GSE1: variants seen among roughly 807,000 people sequenced by gnomAD.
GSE1 encodes genetic suppressor element 1.
A neutral mutation model predicts 112.6 loss-of-function variants in GSE1; 32 were observed. That is an observed-to-expected ratio of 0.28 (90% CI 0.21 to 0.38). The LOEUF (loss-of-function observed/expected upper bound fraction) is 0.38. GSE1 is among the 10% of genes least tolerant of loss of function. The probability of loss-of-function intolerance (pLI) is 1.00; values close to 1 mark genes in which losing one functional copy is unlikely to be tolerated. For synonymous variants in GSE1, 1,115 were observed against 735.6 expected (o/e 1.52, Z -8.35); for missense variants, 2,348 against 1,699.2 (o/e 1.38, Z -6.71).
At chr16:85,197,719 T>C (rs1376818271) in intron 1 of GSE1, among the ~76,000 whole-genome samples, 1 of 152,090 alleles carries the variant, frequency 6.6e-6, no homozygotes, top group Non-Finnish European at 1.5e-5. Flanking sequence ...TGTGTCACCT[T>C]AGAGCAAGCA....
At chr16:85,598,180 T>G (rs532263986) in intron 1 of GSE1, among the ~76,000 whole-genome samples, 276 of 147,200 alleles carry the variant, frequency 1.9e-3, no homozygotes, top group South Asian at 3.8e-3. Flanking sequence ...TTTTTTTTTT[T>G]TTTTTTTTTT....
intron 2 of GSE1, among the ~76,000 whole-genome samples, chr16:85,421,048 C>T (rs1234091954): frequency 1.3e-5 from 2 of 152,226 alleles, no homozygotes; most frequent in African/African-American, 4.8e-5. Context: ...ACAGAGCCTA[C>T]TGTTATTACC....
chr16:85,495,609 G>T lies in GSE1; in HGVS notation c.2464+137966G>T, dbSNP rs142174539. ...CCTCCAGGGTTCAAGCAATTCTTAC[G>T]CCTCTCAATAAGCTGGGATTACAGG... On this transcript the variant is annotated intron_variant, in intron 2 of 2. Transcript: ENST00000637419. Among the ~76,000 whole-genome samples the T allele has an allele frequency of 3.3e-5, 5 of 151,934 alleles. No individual in the cohort carries two copies. In the East Asian group the frequency reaches 9.7e-4, roughly 29 times the overall value.
intron 1 of GSE1, among the ~76,000 whole-genome samples, chr16:85,261,337 G>C (rs1331094156): frequency 1.3e-5 from 2 of 152,222 alleles, no homozygotes; most frequent in Non-Finnish European, 2.9e-5. Flanking sequence ...CTGCCTCGGT[G>C]CCTCAGTGTT....
intron 1 of GSE1, among the ~76,000 whole-genome samples, chr16:85,601,019 C>A (rs2151481075): frequency 6.6e-6 from 1 of 152,114 alleles, no homozygotes; most frequent in African/African-American, 2.4e-5. Flanking sequence ...GGGGTTAGAG[C>A]TGCCATCCAG....
chr16:85,424,775 C>T (rs2151746708), intron 2 of GSE1, among the ~76,000 whole-genome samples: 1 of 152,398 alleles, frequency 6.6e-6, no homozygotes, highest in Non-Finnish European at 1.5e-5. Context: ...ATGGCACCCC[C>T]CTCACCACCC....
chr16:85,654,735 C>A, intron 4 of GSE1, 59 bp from the exon 5 acceptor site: 2 of 1,032,182 alleles, frequency 1.9e-6, no homozygotes, highest in South Asian at 1.3e-5. Flanking sequence ...GCCGTCCCCC[C>A]ATGCAGGAGC....
chr16:85,549,672 G>A (rs985277457), intron 2 of GSE1, among the ~76,000 whole-genome samples: 3 of 152,190 alleles, frequency 2.0e-5, no homozygotes, highest in South Asian at 4.1e-4. Flanking sequence ...AGGTGTGACC[G>A]CACAGAGGTT....
intron 1 of GSE1, among the ~76,000 whole-genome samples, chr16:85,296,885 G>A (rs1407796345): frequency 6.6e-6 from 1 of 152,048 alleles, no homozygotes; most frequent in Admixed American, 6.5e-5. Flanking sequence ...AGTCTGTGAG[G>A]GCGGGGGTGG....
intron 2 of GSE1, among the ~76,000 whole-genome samples, chr16:85,488,430 G>A (rs1357728175): frequency 1.3e-5 from 2 of 152,086 alleles, no homozygotes; most frequent in Admixed American, 6.5e-5. Context: ...TACAGCCTAC[G>A]GGGCTCTCTG....
intron 1 of GSE1, among the ~76,000 whole-genome samples, chr16:85,623,952 G>C (rs960739479): frequency 6.6e-6 from 1 of 152,176 alleles, no homozygotes; most frequent in East Asian, 1.9e-4. Context: ...GCACTCACTC[G>C]GTACAGAAGG....
chr16:85,323,118 G>A (rs566131594), intron 1 of GSE1, among the ~76,000 whole-genome samples: 2 of 152,312 alleles, frequency 1.3e-5, no homozygotes, highest in East Asian at 1.9e-4. Context: ...TTTGTGGTTC[G>A]TGGTGGAGAC....
At chr16:85,469,884 G>A (rs1249244861) in intron 2 of GSE1, among the ~76,000 whole-genome samples, 1 of 152,250 alleles carries the variant, frequency 6.6e-6, no homozygotes. Context: ...GGTGGGAGGG[G>A]GAGCCAGGGC....
At chr16:85,577,581 C>T (rs927771208) in intron 1 of GSE1, among the ~76,000 whole-genome samples, 1 of 152,168 alleles carries the variant, frequency 6.6e-6, no homozygotes, top group African/African-American at 2.4e-5. Flanking sequence ...CTGCGATTAT[C>T]CCCCTTTCAC....
Position 85,448,088 on chromosome 16 carries a change from G to A in GSE1, c.2464+90445G>A, listed in dbSNP as rs138949512. On this transcript the variant is annotated intron_variant, in intron 2 of 2. Transcript: ENST00000637419. ...ATCAGCCCTCTGCCTCCTCCCAGTC[G>A]TGTACCCAGCTCTGGGCTCCTCCGC... is the stretch of plus-strand genomic sequence containing the variant. Among the ~76,000 whole-genome samples the A allele has an allele frequency of 9.0e-3, 1,377 of 152,326 alleles. 17 individuals carry two copies. Among genetic ancestry groups the A allele is most frequent in the African/African-American group, 0.031 (1,286 of 41,570 alleles).
At chr16:85,304,533 T>TC (rs1320063884) in intron 1 of GSE1, among the ~76,000 whole-genome samples, 1 of 136,606 alleles carries the variant, frequency 7.3e-6, no homozygotes, top group African/African-American at 2.8e-5. Flanking sequence ...ACGTGTAGCT[T>TC]CAGAAAGGAA....
At chr16:85,281,230 C>G (rs959880477) in intron 1 of GSE1, among the ~76,000 whole-genome samples, 2 of 152,146 alleles carry the variant, frequency 1.3e-5, no homozygotes, top group African/African-American at 2.4e-5. Context: ...TGCAGAAGCC[C>G]TGTGGCTTGT....
chr16:85,408,487 G>GCC (rs1555581724), intron 2 of GSE1, among the ~76,000 whole-genome samples: 1 of 50,372 alleles, frequency 2.0e-5, no homozygotes, highest in Admixed American at 1.9e-4. Context: ...TACTCTCAGG[G>GCC]CACCTGGATA....
intron 1 of GSE1, among the ~76,000 whole-genome samples, chr16:85,325,969 G>A (rs552109602): frequency 2.0e-5 from 3 of 149,490 alleles, no homozygotes; most frequent in Non-Finnish European, 4.4e-5. Context: ...GGCTGGTCTC[G>A]AACTCCTGAC....
Sources: gnomAD v4.1 joint callset for allele counts (sites outside exome capture counted in the v4.1 genomes callset) on GRCh38, gnomAD v4.1.1 for gene constraint, MANE v1.5 for transcripts, NCBI Gene and HGNC (gene_info 2026-07-23, HGNC 2026-07-21) for gene names.